Variants in EFHC2 observed in about 807,000 individuals in gnomAD.
EFHC2 encodes EF-hand domain containing 2.
EFHC2 carries 18 observed loss-of-function variants against 52.7 expected under a neutral mutation model. The ratio of observed to expected loss-of-function variants is 0.34; its 90% CI spans 0.24 to 0.51. The LOEUF (loss-of-function observed/expected upper bound fraction) is 0.51, where lower values mean the gene tolerates loss of function less well. Ranked by LOEUF, EFHC2 falls within the 20% of genes least tolerant of loss-of-function variation. The pLI, the probability that EFHC2 is intolerant of heterozygous loss-of-function variation, is 0.97. For synonymous variants in EFHC2, 203 were observed against 204.1 expected (o/e 0.99, Z 0.04); for missense variants, 513 against 562.5 (o/e 0.91, Z 0.89).
At chrX:44,297,358 C>T (rs2037833373) in intron 2 of EFHC2, among the ~76,000 whole-genome samples, 1 of 110,355 alleles carries the variant, frequency 9.1e-6, no homozygotes, top group Non-Finnish European at 1.9e-5. Context: ...AGACAACACT[C>T]CATTTGGAGA....
chrX:44,295,945 G>A (rs933773651), intron 2 of EFHC2, among the ~76,000 whole-genome samples: 1 of 111,325 alleles, frequency 9.0e-6, no homozygotes, highest in Admixed American at 9.5e-5. Flanking sequence ...GACCTCCAAG[G>A]AAAATCTAAA....
At position 44,300,943 on chromosome X, in the gene EFHC2, C is replaced by T. The variant is rs1050497754; in HGVS notation, c.231+11625G>A. ...GGCCAGCACAGTGAAACCCCATCTA[C>T]ACTAAAAATACACAAAATTAGCCGG... On this transcript the variant is annotated intron_variant, in intron 2 of 14. Transcript: ENST00000420999. Among the ~76,000 whole-genome samples the T allele has an allele frequency of 7.9e-4, 86 of 108,852 alleles. 1 individual carries two copies. Among genetic ancestry groups the T allele is most frequent in the Non-Finnish European group, 1.7e-4 (9 of 52,362 alleles). The allele number at this position is 108,852 out of a possible 115,157, so 94.5% of individuals were successfully genotyped here.
chrX:44,181,926 C>T (rs943352633), intron 11 of EFHC2, among the ~76,000 whole-genome samples: 5 of 112,753 alleles, frequency 4.4e-5, no homozygotes, highest in Non-Finnish European at 9.4e-5. Flanking sequence ...TCACACATTC[C>T]ATTTTTCATT....
chrX:44,197,293 A>G (rs1439955432), intron 11 of EFHC2, among the ~76,000 whole-genome samples: 1 of 111,237 alleles, frequency 9.0e-6, no homozygotes, highest in Non-Finnish European at 1.9e-5. Flanking sequence ...TTGTTCGTTC[A>G]TTCATTCATT....
At chrX:44,230,584 GATATTA>G (rs2037268844) in intron 10 of EFHC2, among the ~76,000 whole-genome samples, 1 of 110,588 alleles carries the variant, frequency 9.0e-6, no homozygotes, top group African/African-American at 3.3e-5. Context: ...TCCTCAGGCT[GATATTA>G]AATAGTATAG....
At chrX:44,222,849 A>G (rs1407898090) in intron 11 of EFHC2, among the ~76,000 whole-genome samples, 1 of 111,874 alleles carries the variant, frequency 8.9e-6, no homozygotes, top group Non-Finnish European at 1.9e-5. Context: ...TAATTAACTC[A>G]AGCTAACTCA....
intron 3 of EFHC2, among the ~76,000 whole-genome samples, chrX:44,262,943 C>T (rs745650488): frequency 4.5e-5 from 5 of 112,272 alleles, no homozygotes; most frequent in South Asian, 7.4e-4. Context: ...TATCTTCCAA[C>T]GCTATAAGCA....
intron 11 of EFHC2, among the ~76,000 whole-genome samples, chrX:44,201,693 A>G (rs2037007347): frequency 8.9e-6 from 1 of 111,877 alleles, no homozygotes; most frequent in Non-Finnish European, 1.9e-5. Flanking sequence ...GAAGGGCCAT[A>G]TGGTTTTACA....
At chrX:44,206,545 T>C (rs945195718) in intron 11 of EFHC2, among the ~76,000 whole-genome samples, 4 of 111,925 alleles carry the variant, frequency 3.6e-5, no homozygotes, top group Admixed American at 2.8e-4. Flanking sequence ...CAAATATTAG[T>C]AGCATTTCTA....
chrX:44,252,521 T>C (rs2037459520), intron 4 of EFHC2, among the ~76,000 whole-genome samples: 1 of 111,855 alleles, frequency 8.9e-6, no homozygotes, highest in Non-Finnish European at 1.9e-5. Context: ...TTCTTTGGCA[T>C]TATGAGGCCT....
chrX:44,330,287 G>A (rs1041559943), intron 1 of EFHC2, among the ~76,000 whole-genome samples: 1 of 109,828 alleles, frequency 9.1e-6, no homozygotes, highest in Non-Finnish European at 1.9e-5. Flanking sequence ...CAATCTTCAT[G>A]ATGTAGGGCT....
intron 14 of EFHC2, among the ~76,000 whole-genome samples, chrX:44,157,188 ATTC>A (rs898065806): frequency 8.0e-5 from 9 of 112,149 alleles, no homozygotes; most frequent in Non-Finnish European, 1.3e-4. Flanking sequence ...GTTGACCCCT[ATTC>A]TTACTAGCTG....
rs377701259 is a variant in EFHC2 at position 44,266,563 on chromosome X, G to A, written c.383-5265C>T. On this transcript the variant is annotated intron_variant, in intron 3 of 14. Transcript: ENST00000420999. Reference sequence around the variant, plus strand: ...TTGGTCAGGCTGGTCTCAAACTCCCGGCCTCAAGTTATCAGCCCGCCTCTG... The same window carrying A: ...TTGGTCAGGCTGGTCTCAAACTCCCAGCCTCAAGTTATCAGCCCGCCTCTG... Among the ~76,000 whole-genome samples the A allele has an allele frequency of 1.3e-3, 145 of 110,015 alleles. No homozygotes were observed. In the South Asian group the frequency reaches 0.056, roughly 42 times the overall value.
At chrX:44,230,855 C>T (rs1044023463) in intron 10 of EFHC2, among the ~76,000 whole-genome samples, 3 of 111,663 alleles carry the variant, frequency 2.7e-5, no homozygotes, top group Non-Finnish European at 3.8e-5. Flanking sequence ...GTTAGCTCAG[C>T]GCTTCATACA....
At chrX:44,234,341 C>T (rs1182895021) in intron 9 of EFHC2, among the ~76,000 whole-genome samples, 1 of 112,110 alleles carries the variant, frequency 8.9e-6, no homozygotes, top group Non-Finnish European at 1.9e-5. Flanking sequence ...GATTTTTGAC[C>T]TGTAAGAGCA....
In EFHC2 at chrX:44,231,941, C is replaced by CAA. The variant is rs749262175; in HGVS notation, c.1620+538_1620+539dup. On this transcript the variant is annotated intron_variant, in intron 10 of 14. Transcript: ENST00000420999. Reference sequence around the variant, plus strand: ...ACAGTACCCATCTGCCATCTTATTTCAAAAAAAAAAACTCTTTGAGCTCAC... The same window carrying CAA: ...ACAGTACCCATCTGCCATCTTATTTCAAAAAAAAAAAAACTCTTTGAGCTCAC... Among the ~76,000 whole-genome samples the CAA allele has an allele frequency of 9.2e-3, 970 of 105,105 alleles. 15 individuals carry two copies. The highest frequency in any genetic ancestry group is 0.032 in the African/African-American group (923 of 29,167). The allele number at this position is 105,105 out of a possible 115,157, so 91.3% of individuals were successfully genotyped here.
intron 11 of EFHC2, among the ~76,000 whole-genome samples, chrX:44,182,009 A>G (rs989632185): frequency 3.6e-5 from 4 of 111,995 alleles, no homozygotes; most frequent in Non-Finnish European, 7.5e-5. Flanking sequence ...TATAACCACC[A>G]CCTCTATCTA....
At chrX:44,329,806 A>G (rs920329481) in intron 1 of EFHC2, among the ~76,000 whole-genome samples, 1 of 108,806 alleles carries the variant, frequency 9.2e-6, no homozygotes, top group Admixed American at 9.9e-5. Context: ...AAGTCCCCTT[A>G]TGTTGCCCAG....
In EFHC2 at chrX:44,235,359, A is replaced by G. The variant is rs2037310980; in HGVS notation, c.1369T>C (p.Tyr457His). 8.4e-7 allele frequency: 1 copy of G among 1,190,849 alleles called. No individual in the cohort carries two copies. The highest frequency in any genetic ancestry group is 2.3e-5 in the Admixed American group (1 of 43,159). The change falls in exon 9 of 15, where the codon TAT (tyrosine) becomes CAT (histidine). Residue 457 changes from tyrosine to histidine, a missense_variant. By Grantham distance (83) the Tyr-to-His change is moderately conservative. Transcript: ENST00000420999. ...VDLDRMFVIS[Y>H]YLGDDTISVF... The stretch of plus-strand genomic sequence containing the variant: ...GAAATGGTGTCATCACCGAGATAAT[A>G]TGAAATAACAAACATCCTGTCCAAG...
Sources: gnomAD v4.1 joint callset for allele counts (sites outside exome capture counted in the v4.1 genomes callset) on GRCh38, gnomAD v4.1.1 for gene constraint, MANE v1.5 for transcripts, NCBI Gene and HGNC (gene_info 2026-07-23, HGNC 2026-07-21) for gene names.